Variants in KCNH7 observed in about 807,000 individuals in gnomAD.
The protein encoded by KCNH7 is potassium voltage-gated channel subfamily H member 7, also known as voltage-gated inwardly rectifying potassium channel KCNH7.
KCNH7 carries 49 observed loss-of-function variants against 120.8 expected under a neutral mutation model. The ratio of observed to expected loss-of-function variants is 0.41; its 90% CI spans 0.32 to 0.51. The LOEUF is 0.51. KCNH7 is among the 20% of genes least tolerant of loss of function. The pLI is 0.38. For missense variants in KCNH7, 1,097 were observed against 1,446.6 expected (o/e 0.76, Z 3.92); for synonymous variants, 547 against 516.1 (o/e 1.06, Z -0.81).
chr2:162,672,361 A>G (rs1685389226), intron 2 of KCNH7, among the ~76,000 whole-genome samples: 1 of 152,078 alleles, frequency 6.6e-6, no homozygotes, highest in Admixed American at 6.6e-5. Context: ...AAACAACTTG[A>G]AGATGATCAA....
chr2:162,600,030 G>A (rs1316821132), intron 2 of KCNH7, among the ~76,000 whole-genome samples: 2 of 151,982 alleles, frequency 1.3e-5, no homozygotes, highest in South Asian at 4.1e-4. Flanking sequence ...AGCAGTTAAG[G>A]TCATTTTTAA....
intron 3 of KCNH7, among the ~76,000 whole-genome samples, chr2:162,526,610 A>G (rs1691713881): frequency 6.6e-6 from 1 of 152,004 alleles, no homozygotes; most frequent in Non-Finnish European, 1.5e-5. Flanking sequence ...GAAGAGAAAT[A>G]TGGCTCTGTT....
Position 162,373,595 on chromosome 2 carries a change from C to T in KCNH7, c.3199G>A (p.Val1067Ile), listed in dbSNP as rs1200559118. 1 of 1,576,800 alleles carries T rather than the reference C, an allele frequency of 6.3e-7. No homozygotes were observed. The highest frequency in any genetic ancestry group is 1.4e-5 in the African/African-American group (1 of 72,834). ...GTTACCATACTGTAGGCTGGGGGGA[C>T]CACAGTGGTTTGTTTCTGCAGCAAC... is the stretch of plus-strand genomic sequence containing the variant. ...LQLLQKQTTV[V>I]PPAYSMVTAG... is the part of the protein sequence containing the mutation. The change falls in exon 15 of 16, where the codon GTC (valine) becomes ATC (isoleucine). Residue 1067 changes from valine (V) to isoleucine (I), a missense_variant. By Grantham distance (29) the Val-to-Ile change is conservative. This residue lies in a region of KCNH7 where 406 missense variants were observed against 410.5 expected (regional missense o/e 0.99). Coordinates refer to ENST00000332142, the MANE Select transcript of KCNH7 (RefSeq NM_033272.4).
chr2:162,591,327 C>T (rs1694210375), intron 2 of KCNH7, among the ~76,000 whole-genome samples: 1 of 151,932 alleles, frequency 6.6e-6, no homozygotes, highest in Non-Finnish European at 1.5e-5. Context: ...TTTTTCTCCT[C>T]AGCGCTTATA....
intron 3 of KCNH7, among the ~76,000 whole-genome samples, chr2:162,526,565 G>T (rs1391161273): frequency 6.6e-6 from 1 of 151,972 alleles, no homozygotes; most frequent in Non-Finnish European, 1.5e-5. Context: ...CTGAGAAAAA[G>T]AATTCAGTGA....
At chr2:162,547,714 C>A (rs1205550812) in intron 2 of KCNH7, among the ~76,000 whole-genome samples, 2 of 150,946 alleles carry the variant, frequency 1.3e-5, no homozygotes, top group African/African-American at 5.0e-5. Flanking sequence ...ATGCAAAGGT[C>A]TTTGTATAAC....
chr2:162,795,941 A>G (rs1469006666), intron 2 of KCNH7: 1 of 152,094 alleles, frequency 6.6e-6, no homozygotes, highest in Non-Finnish European at 1.5e-5. Context: ...GGAAATAGAA[A>G]AGTAAACAAA....
intron 12 of KCNH7, among the ~76,000 whole-genome samples, chr2:162,389,985 T>G (rs1264896893): frequency 3.3e-5 from 5 of 151,898 alleles, no homozygotes; most frequent in Non-Finnish European, 7.4e-5. Flanking sequence ...ATGAAAAAAC[T>G]CAGGGCACTT....
intron 2 of KCNH7, among the ~76,000 whole-genome samples, chr2:162,799,445 T>G (rs572814593): frequency 6.4e-4 from 98 of 152,134 alleles, no homozygotes; most frequent in Non-Finnish European, 1.2e-3. Context: ...TCAAGCAATA[T>G]TTTTTAAAGA....
intron 2 of KCNH7, among the ~76,000 whole-genome samples, chr2:162,722,814 T>TTTTC (rs1491571404): frequency 1.9e-5 from 2 of 107,600 alleles, no homozygotes; most frequent in African/African-American, 1.3e-4. Flanking sequence ...TCTTTTTTTC[T>TTTTC]TTTTTTTTTT....
At chr2:162,602,223 C>T (rs1010120228) in intron 2 of KCNH7, among the ~76,000 whole-genome samples, 2 of 151,942 alleles carry the variant, frequency 1.3e-5, no homozygotes, top group South Asian at 2.1e-4. Context: ...AGGTGTCTCC[C>T]GAGTGAGAGC....
chr2:162,699,533 G>A (rs1364657097), intron 2 of KCNH7, among the ~76,000 whole-genome samples: 1 of 151,988 alleles, frequency 6.6e-6, no homozygotes, highest in East Asian at 1.9e-4. Flanking sequence ...TTGTTGTTAT[G>A]CTTTAAGTTC....
At chr2:162,825,652 A>T (rs1685255619) in intron 2 of KCNH7, among the ~76,000 whole-genome samples, 1 of 152,136 alleles carries the variant, frequency 6.6e-6, no homozygotes, top group Non-Finnish European at 1.5e-5. Context: ...AACAGTAAAA[A>T]GTTAGAAATA....
chr2:162,751,716 A>C (rs1330025789), intron 2 of KCNH7, among the ~76,000 whole-genome samples: 1 of 151,822 alleles, frequency 6.6e-6, no homozygotes, highest in East Asian at 1.9e-4. Context: ...TATTATAATA[A>C]ATAACAATAT....
intron 9 of KCNH7, among the ~76,000 whole-genome samples, chr2:162,403,481 T>C (rs967868695): frequency 6.6e-6 from 1 of 151,984 alleles, no homozygotes; most frequent in African/African-American, 2.4e-5. Flanking sequence ...AGATATGTTA[T>C]CGGAATTCCA....
At chr2:162,801,636 C>G (rs983141103) in intron 2 of KCNH7, among the ~76,000 whole-genome samples, 1 of 151,812 alleles carries the variant, frequency 6.6e-6, no homozygotes, top group Non-Finnish European at 1.5e-5. Flanking sequence ...TTCAGCAACT[C>G]TTCTGTGCCA....
At chr2:162,834,419 T>G (rs17402606) in intron 2 of KCNH7, among the ~76,000 whole-genome samples, 12,438 of 152,148 alleles carry the variant, frequency 0.082, 663 homozygotes, top group Non-Finnish European at 0.11. Flanking sequence ...AGGTAGATTT[T>G]ATAGTTAACG....
chr2:162,614,408 T>C (rs1273556093), intron 2 of KCNH7, among the ~76,000 whole-genome samples: 6 of 151,632 alleles, frequency 4.0e-5, no homozygotes, highest in Non-Finnish European at 2.9e-5. Flanking sequence ...TAAGGAGAAA[T>C]GTACCAGAAT....
At chr2:162,752,948 G>GAA (rs1688630721) in intron 2 of KCNH7, among the ~76,000 whole-genome samples, 3 of 103,252 alleles carry the variant, frequency 2.9e-5, no homozygotes, top group Non-Finnish European at 5.1e-5. Context: ...GAAAAGAAAA[G>GAA]AAAAGAAAAG....
Sources: gnomAD v4.1 joint callset for allele counts (sites outside exome capture counted in the v4.1 genomes callset) on GRCh38, gnomAD v4.1.1 for gene constraint, gnomAD v4.1.1 regional missense constraint, MANE v1.5 for transcripts, NCBI Gene and HGNC (gene_info 2026-07-23, HGNC 2026-07-21) for gene names.